The following DHX30 variants were observed in gnomAD, a reference collection of about 807,000 sequenced individuals.
The protein encoded by DHX30 is DExH-box helicase 30.
DHX30 carries 4 observed loss-of-function variants against 116.9 expected under a neutral mutation model. That is an observed-to-expected ratio of 0.03 (90% CI 0.02 to 0.08). DHX30 has a LOEUF of 0.08. Ranked by LOEUF, DHX30 falls within the 10% of genes least tolerant of loss-of-function variation. The pLI is 1.00. For synonymous variants in DHX30, 697 were observed against 651.7 expected, an observed-to-expected ratio of 1.07 and a Z score of -1.06; for missense variants, 871 against 1,595.1, an observed-to-expected ratio of 0.55 and a Z score of 7.73.
intron 3 of DHX30, among the ~76,000 whole-genome samples, chr3:47,811,492 G>A (rs536874784): frequency 4.6e-5 from 7 of 152,140 alleles, no homozygotes; most frequent in African/African-American, 1.4e-4. Context: ...CACATAGTAG[G>A]CCTCAGTAAA....
Position 47,818,096 on chromosome 3 carries a change from C to T in DHX30, c.103C>T (p.Pro35Ser). Reference protein sequence around the residue: ...RLPPMCVNPTPGGTISRASRD... With the variant: ...RLPPMCVNPTSGGTISRASRD... Reference sequence around the variant, plus strand: ...TCCACCCATGTGTGTCAACCCTACCCCAGGAGGGACCATCTCTCGAGGTAA... The same window carrying T: ...TCCACCCATGTGTGTCAACCCTACCTCAGGAGGGACCATCTCTCGAGGTAA... The change falls in exon 4 of 22, where the codon CCA (proline) becomes TCA (serine). Residue 35 changes from proline (P) to serine (S), a missense_variant. Physicochemically the swap from Pro to Ser is moderately conservative, Grantham distance 74. Around this residue, in one of 13 missense-constraint regions of DHX30, gnomAD observed 66 missense variants for 153.9 expected, o/e 0.43. Coordinates refer to ENST00000445061, the MANE Select transcript of DHX30 (RefSeq NM_138615.3). The T allele has an allele frequency of 1.3e-6, 1 of 781,000 alleles. No individual in the cohort carries two copies. The highest frequency in any genetic ancestry group is 2.4e-6 in the Non-Finnish European group (1 of 418,090). The allele number at this position is 781,000 out of a possible 1,614,324, so 48.4% of individuals were successfully genotyped here. A position where few individuals can be genotyped will look rare whatever the true frequency, so the allele number is the denominator to read the frequency against.
At chr3:47,807,917 T>A (rs193209925) in intron 2 of DHX30, among the ~76,000 whole-genome samples, 185 of 151,422 alleles carry the variant, frequency 1.2e-3, no homozygotes, top group East Asian at 9.4e-3. Flanking sequence ...TTTTTTTTTT[T>A]AAATTTTTTT....
rs2037478832 is a variant in DHX30, at chr3:47,843,752, A to T, written c.939+497A>T. 2.6e-5 allele frequency among the ~76,000 whole-genome samples: 4 copies of T among 152,260 alleles called. No homozygotes were observed. The South Asian group carries it at 8.3e-4, about 32-fold the overall frequency. On this transcript the variant is annotated intron_variant, in intron 9 of 21. Coordinates refer to ENST00000445061, the MANE Select transcript of DHX30 (RefSeq NM_138615.3). ...GGGTCTCTGTGGCCCAGGCTGGAGT[A>T]TAGTGGCACGATCATGGCTCACTGC...
At chr3:47,810,758 A>T in intron 3 of DHX30, 47 bp downstream of exon 3, 4 of 1,588,574 alleles carry the variant, frequency 2.5e-6, no homozygotes, top group Non-Finnish European at 3.5e-6. Flanking sequence ...CCTTATTGGG[A>T]TGGGCAGCTC....
At chr3:47,806,028 G>C (rs1265817492) in intron 2 of DHX30, among the ~76,000 whole-genome samples, 1 of 152,010 alleles carries the variant, frequency 6.6e-6, no homozygotes. Context: ...GTCTTGCCCT[G>C]TCGCCCAGGC....
chr3:47,803,648 C>T (rs917563983), intron 1 of DHX30, among the ~76,000 whole-genome samples: 1 of 152,186 alleles, frequency 6.6e-6, no homozygotes, highest in African/African-American at 2.4e-5. Flanking sequence ...CCGGACCGTT[C>T]GTCCAGAGGG....
chr3:47,846,127 TTC>T, intron 10 of DHX30, 36 bp from the exon 11 acceptor site: 1 of 1,584,684 alleles, frequency 6.3e-7, no homozygotes. Context: ...AATGAGGAAT[TTC>T]TTTTTCATTG....
chr3:47,810,992 C>T (rs1389896920), intron 3 of DHX30, among the ~76,000 whole-genome samples: 1 of 152,106 alleles, frequency 6.6e-6, no homozygotes, highest in East Asian at 1.9e-4. Flanking sequence ...TTCTGTCGCC[C>T]AGGCTGGAGT....
chr3:47,828,564 G>A (rs1392895237), intron 5 of DHX30, among the ~76,000 whole-genome samples: 1 of 151,758 alleles, frequency 6.6e-6, no homozygotes, highest in Non-Finnish European at 1.5e-5. Flanking sequence ...AAGGTCAGGA[G>A]ATCGAGACCA....
chr3:47,840,615 G>A (rs1274948934), intron 6 of DHX30, among the ~76,000 whole-genome samples: 1 of 151,922 alleles, frequency 6.6e-6, no homozygotes, highest in African/African-American at 2.4e-5. Flanking sequence ...CAGTCTGGGT[G>A]ACAGAGCGAG....
chr3:47,805,999 GT>G (rs1187390245), intron 2 of DHX30, among the ~76,000 whole-genome samples: 1 of 151,808 alleles, frequency 6.6e-6, no homozygotes, highest in Non-Finnish European at 1.5e-5. Context: ...GAGCTACAAG[GT>G]TTTTTGTTTT....
intron 1 of DHX30, among the ~76,000 whole-genome samples, chr3:47,804,973 T>C (rs1016944895): frequency 1.3e-5 from 2 of 152,236 alleles, no homozygotes; most frequent in African/African-American, 4.8e-5. Context: ...ATAGCTTCTT[T>C]ATGTTAGATT....
chr3:47,831,930 C>CTTTTTTTT (rs147733795), intron 6 of DHX30, among the ~76,000 whole-genome samples: 38 of 127,420 alleles, frequency 3.0e-4, no homozygotes, highest in African/African-American at 3.8e-4. Flanking sequence ...TTTCCTTTTT[C>CTTTTTTTT]TTTTTTTTTT....
At chr3:47,832,253 C>A (rs75164631) in intron 6 of DHX30, among the ~76,000 whole-genome samples, 211 of 152,208 alleles carry the variant, frequency 1.4e-3, no homozygotes, top group African/African-American at 4.8e-3. Context: ...AGCCTTGGCA[C>A]TGCCATGCAT....
intron 21 of DHX30, 44 bp from the exon 22 acceptor site, chr3:47,849,823 C>T: frequency 6.2e-7 from 1 of 1,608,498 alleles, no homozygotes; most frequent in Non-Finnish European, 8.5e-7. Flanking sequence ...TCCTCCGGGG[C>T]CTGGCCTCAC....
At chr3:47,809,211 A>G (rs897676341) in intron 2 of DHX30, among the ~76,000 whole-genome samples, 3 of 147,108 alleles carry the variant, frequency 2.0e-5, no homozygotes, top group Non-Finnish European at 3.0e-5. Flanking sequence ...ATTTGGATAG[A>G]AGGTGTCTAT....
Position 47,846,170 on chromosome 3 carries a change from T to C in DHX30, c.1098T>C (p.Pro366=), listed in dbSNP as rs1278493194. 1.2e-6 allele frequency: 2 copies of C among 1,612,468 alleles called. No individual in the cohort carries two copies. The highest frequency in any genetic ancestry group is 1.3e-5 in the African/African-American group (1 of 75,066). ...CTTGCCTCCCTGCCCTCCAGTACCC[T>C]GTGGAGAGTTCATGGATCGCCCCAG... The part of the protein sequence containing the change: ...RKIETFLNHY[P]VESSWIAPEL... The change falls in exon 11 of 22, where the codon CCT becomes CCC. Residue 366 remains proline, a synonymous_variant. Coordinates refer to ENST00000445061, the MANE Select transcript of DHX30 (RefSeq NM_138615.3).
intron 6 of DHX30, among the ~76,000 whole-genome samples, chr3:47,835,065 G>A (rs761406165): frequency 2.6e-5 from 4 of 151,826 alleles, no homozygotes; most frequent in African/African-American, 4.8e-5. Flanking sequence ...GTGCAGCAGC[G>A]CGATCTCGGC....
intron 3 of DHX30, chr3:47,816,365 T>C (rs2036056912): frequency 1.0e-6 from 1 of 982,854 alleles, no homozygotes; most frequent in Non-Finnish European, 1.2e-6. Flanking sequence ...TCTTTTTTTT[T>C]TTTTTTTTTT....
Sources: gnomAD v4.1 joint callset for allele counts (sites outside exome capture counted in the v4.1 genomes callset) on GRCh38, gnomAD v4.1.1 for gene constraint, gnomAD v4.1.1 regional missense constraint, MANE v1.5 for transcripts, NCBI Gene and HGNC (gene_info 2026-07-23, HGNC 2026-07-21) for gene names.